Variants in ARHGEF10 observed in about 807,000 individuals in gnomAD.
ARHGEF10 encodes the protein Rho guanine nucleotide exchange factor 10, also known as Rho guanine nucleotide exchange factor (GEF) 10.
In ARHGEF10, 140 loss-of-function variants were observed where a neutral mutation model predicts 147.4. The observed-to-expected ratio is 0.95, with a 90% CI of 0.83 to 1.09. The LOEUF (loss-of-function observed/expected upper bound fraction) is 1.09, where lower values mean the gene tolerates loss of function less well. Ranked by LOEUF, ARHGEF10 falls within the 50% of genes least tolerant of loss-of-function variation. The probability of loss-of-function intolerance (pLI) is 0.00; values close to 1 mark genes in which losing one functional copy is unlikely to be tolerated. For missense variants in ARHGEF10, 2,222 were observed against 1,752.7 expected (o/e 1.27, Z -4.78); for synonymous variants, 902 against 695.8 (o/e 1.30, Z -4.67).
chr8:1,880,169 A>C lies in ARHGEF10; in HGVS notation c.960+5A>C, dbSNP rs556565933. ...AGGCAGAAGCATGAACTGAAGGTAG[A>C]GTCTTGCCCCCGGCCGCTGCCCCCA... On this transcript the variant is annotated splice_donor_5th_base_variant and intron_variant, in intron 9 of 28. Transcript: ENST00000349830. The C allele has an allele frequency of 1.9e-6, 3 of 1,607,008 alleles. No homozygotes were observed. The highest frequency in any genetic ancestry group is 4.5e-5 in the East Asian group (2 of 44,850).
chr8:1,876,322 G>C (rs1807694737), intron 7 of ARHGEF10: 4 of 561,876 alleles, frequency 7.1e-6, no homozygotes, highest in Non-Finnish European at 1.3e-5. Context: ...TCGGGGTACA[G>C]ATGGGGCAGG....
In ARHGEF10 at chr8:1,893,625, T is replaced by A. The variant is rs767519968; in HGVS notation, c.1239T>A (p.Asp413Glu). 1.6e-5 allele frequency: 26 copies of A among 1,613,002 alleles called. No individual in the cohort carries two copies. Among genetic ancestry groups the A allele is most frequent in the Admixed American group, 6.7e-5 (4 of 60,006 alleles). ...TCGACAGTGAAAAGAACTACGTAGA[T>A]GCTCTTAAGAGGATTTTGGAGGTAC... is the stretch of plus-strand genomic sequence containing the variant. ...SVVDSEKNYV[D>E]ALKRILEQYE... Residue 413 changes from aspartate to glutamate, a missense_variant, in exon 12 of 29, where the codon GAT becomes GAA. By Grantham distance (45) the Asp-to-Glu change is conservative. Coordinates refer to ENST00000349830, the MANE Select transcript of ARHGEF10 (RefSeq NM_014629.4).
intron 8 of ARHGEF10, among the ~76,000 whole-genome samples, chr8:1,878,417 C>T (rs771977725): frequency 5.9e-5 from 9 of 152,108 alleles, no homozygotes; most frequent in Non-Finnish European, 1.3e-4. Flanking sequence ...GAACTCCTGA[C>T]CTCGTGATCT....
chr8:1,897,104 T>C (rs1810039876), intron 14 of ARHGEF10, among the ~76,000 whole-genome samples: 1 of 152,218 alleles, frequency 6.6e-6, no homozygotes, highest in Non-Finnish European at 1.5e-5. Context: ...GAGTCTCCTT[T>C]GTGGAGCCCC....
In ARHGEF10 at chr8:1,957,362, G is replaced by T; in HGVS notation, c.*99G>T. ...GTTAAGCTGTGTCTACACTGGTTGG[G>T]AATAAATTAAAAACAGTATTTGGGG... On this transcript the variant is annotated 3_prime_UTR_variant, in exon 29 of 29. Coordinates refer to ENST00000349830, the MANE Select transcript of ARHGEF10 (RefSeq NM_014629.4). 1 of 1,502,048 alleles carries T rather than the reference G, an allele frequency of 6.7e-7. No homozygotes were observed. 93.0% of individuals were successfully genotyped at this position (1,502,048 alleles called of 1,614,324 possible).
intron 11 of ARHGEF10, among the ~76,000 whole-genome samples, chr8:1,886,179 G>GA (rs1426066745): frequency 1.3e-4 from 20 of 152,180 alleles, no homozygotes; most frequent in Non-Finnish European, 2.9e-4. Flanking sequence ...TAGCAGAAGG[G>GA]AAAAAATCAG....
chr8:1,920,512 T>G (rs1225746641), intron 18 of ARHGEF10, among the ~76,000 whole-genome samples: 2 of 152,012 alleles, frequency 1.3e-5, no homozygotes, highest in Non-Finnish European at 2.9e-5. Context: ...ACTCTATGTT[T>G]TTGGTTTTTA....
At chr8:1,833,394 GGGCAGAGACAGAGACAGA>G (rs1265441278) in intron 1 of ARHGEF10, among the ~76,000 whole-genome samples, 87 of 134,302 alleles carry the variant, frequency 6.5e-4, no homozygotes, top group African/African-American at 2.3e-3. Flanking sequence ...GCAGCGACAG[GGGCAGAGACAGAGACAGA>G]GGCAGAGACA....
At position 1,893,667 on chromosome 8, in the gene ARHGEF10, A is replaced by C. The variant is rs571004371; in HGVS notation, c.1260+21A>C. The C allele has an allele frequency of 2.7e-6, 4 of 1,489,646 alleles. No individual in the cohort carries two copies. In the South Asian group the frequency reaches 3.4e-5, roughly 13 times the overall value. 92.3% of individuals were successfully genotyped at this position (1,489,646 alleles called of 1,614,324 possible). A position where few individuals can be genotyped will look rare whatever the true frequency, so the allele number is the denominator to read the frequency against. ...TGGAGGTACTTAAGTGTCGTGTTAC[A>C]TAATACATACATTTCTATTATTCTT... On this transcript the variant is annotated intron_variant, in intron 12 of 28. Transcript: ENST00000349830.
Position 1,948,190 on chromosome 8 carries a change from C to T in ARHGEF10, c.3397+2535C>T, listed in dbSNP as rs1237373180. ...TGGGGCTCTGCAGAGCCACCATCCC[C>T]TGGCGCCCACTCTCCCGGGCCCCTC... On this transcript the variant is annotated intron_variant, in intron 27 of 28. Coordinates refer to ENST00000349830, the MANE Select transcript of ARHGEF10 (RefSeq NM_014629.4). The surrounding 1 kb of genome is among the most constrained non-coding windows in gnomAD (Gnocchi z 4.9). Among the ~76,000 whole-genome samples the T allele has an allele frequency of 2.0e-5, 3 of 152,158 alleles. No individual in the cohort carries two copies. Among genetic ancestry groups the T allele is most frequent in the African/African-American group, 4.8e-5 (2 of 41,434 alleles).
chr8:1,910,797 T>A (rs1237168841), intron 18 of ARHGEF10, among the ~76,000 whole-genome samples: 1 of 152,228 alleles, frequency 6.6e-6, no homozygotes, highest in Non-Finnish European at 1.5e-5. Flanking sequence ...CCTTCATGTA[T>A]TTTATAATGC....
chr8:1,856,878 C>T (rs1030841081), intron 2 of ARHGEF10, among the ~76,000 whole-genome samples: 2 of 152,186 alleles, frequency 1.3e-5, no homozygotes, highest in Non-Finnish European at 2.9e-5. Context: ...CTGGCAGGGG[C>T]TGGGTTCCTC....
chr8:1,945,157 G>C (rs190689495), intron 26 of ARHGEF10, among the ~76,000 whole-genome samples: 17 of 152,340 alleles, frequency 1.1e-4, no homozygotes, highest in Admixed American at 2.6e-4. Flanking sequence ...TGATGGGCCT[G>C]GGGGGATGGA....
chr8:1,947,346 C>T (rs1002724788), intron 27 of ARHGEF10, among the ~76,000 whole-genome samples: 1 of 152,160 alleles, frequency 6.6e-6, no homozygotes. Flanking sequence ...AAGCAGCCCA[C>T]GGTTACCCTG....
chr8:1,903,205 C>G (rs1810612154), intron 15 of ARHGEF10, 76 bp from the exon 16 acceptor site: 2 of 1,555,610 alleles, frequency 1.3e-6, no homozygotes, highest in African/African-American at 2.7e-5. Flanking sequence ...CCATTGTCAG[C>G]TGGCGGGTGA....
intron 27 of ARHGEF10, among the ~76,000 whole-genome samples, chr8:1,950,780 A>C (rs1465545790): frequency 9.2e-6 from 1 of 108,760 alleles, no homozygotes; most frequent in Non-Finnish European, 1.8e-5. Context: ...GGGTTTCACT[A>C]TGTTGGCCAG....
At chr8:1,905,918 A>C (rs750320087) in intron 17 of ARHGEF10, among the ~76,000 whole-genome samples, 4 of 152,228 alleles carry the variant, frequency 2.6e-5, no homozygotes, top group Non-Finnish European at 4.4e-5. Context: ...AGTCACTGTT[A>C]GTAGAAGTAC....
intron 7 of ARHGEF10, among the ~76,000 whole-genome samples, chr8:1,874,847 G>A (rs1162236954): frequency 5.4e-5 from 7 of 129,860 alleles, no homozygotes; most frequent in African/African-American, 2.1e-4. Context: ...CGGCGTGTAG[G>A]GGGTAGAGGT....
At position 1,945,659 on chromosome 8, in the gene ARHGEF10, A is replaced by C. The variant is rs777746898; in HGVS notation, c.3397+4A>C. The C allele has an allele frequency of 6.2e-6, 10 of 1,614,060 alleles. No homozygotes were observed. In the East Asian group the frequency reaches 2.2e-4, roughly 36 times the overall value. On this transcript the variant is annotated splice_donor_region_variant and intron_variant, in intron 27 of 28. Coordinates refer to ENST00000349830, the MANE Select transcript of ARHGEF10 (RefSeq NM_014629.4). ...CCTGTTCACAACATGCTGCCAGGTA[A>C]GGGGACGGGACGGGGCCCAGGGATG... is the stretch of plus-strand genomic sequence containing the variant.
Sources: allele counts gnomAD v4.1 joint callset (sites outside exome capture counted in the v4.1 genomes callset), GRCh38; gene constraint gnomAD v4.1.1; non-coding constraint Gnocchi (gnomAD v3.1); transcripts MANE v1.5; gene names NCBI Gene and HGNC (gene_info 2026-07-23, HGNC 2026-07-21).